The following ARB2A variants were observed in gnomAD, a reference collection of about 807,000 sequenced individuals.
ARB2A encodes cotranscriptional regulator ARB2A.
At chr5:94,055,511 T>C in the ARB2A span, 2 of 441,760 alleles carry the variant, frequency 4.5e-6, no homozygotes, top group Non-Finnish European at 6.0e-6. Context: ...CTCTTCTAAC[T>C]CTTATATCAA....
At chr5:93,986,987 C>G in the ARB2A span, among the ~76,000 whole-genome samples, 1 of 151,194 alleles carries the variant, frequency 6.6e-6, no homozygotes, top group Non-Finnish European at 1.5e-5. Context: ...TCCCCCTCTC[C>G]GAGAAACACC....
chr5:93,864,253 C>CA, the ARB2A span, among the ~76,000 whole-genome samples: 1 of 152,032 alleles, frequency 6.6e-6, no homozygotes, highest in African/African-American at 2.4e-5. Context: ...CATTATTTCT[C>CA]CTAAACAATG....
At chr5:93,733,408 C>A in the ARB2A span, 1 of 152,166 alleles carries the variant, frequency 6.6e-6, no homozygotes, top group Middle Eastern at 3.4e-3. Context: ...ACCATGTAGA[C>A]CAGGATGGTC....
chr5:93,938,592 A>G, the ARB2A span, among the ~76,000 whole-genome samples: 3 of 152,216 alleles, frequency 2.0e-5, no homozygotes, highest in African/African-American at 4.8e-5. Flanking sequence ...TTAATTTTGT[A>G]TAAGTTATCC....
chr5:93,675,719 C>T, the ARB2A span, among the ~76,000 whole-genome samples: 1 of 152,184 alleles, frequency 6.6e-6, no homozygotes, highest in South Asian at 2.1e-4. Flanking sequence ...TGTTCCATAT[C>T]AAGAAGTATT....
At chr5:93,886,081 C>A in the ARB2A span, among the ~76,000 whole-genome samples, 1 of 151,588 alleles carries the variant, frequency 6.6e-6, no homozygotes. Flanking sequence ...AAATGCACGA[C>A]CAAAACCAGA....
the ARB2A span, among the ~76,000 whole-genome samples, chr5:93,646,271 G>A: frequency 6.6e-5 from 10 of 151,796 alleles, no homozygotes; most frequent in East Asian, 1.7e-3. Context: ...AGCCATAGTC[G>A]CTCTTGTATT....
chr5:93,635,459 G>GTTTTTTTTTTTTTTT, the ARB2A span, among the ~76,000 whole-genome samples: 62 of 128,914 alleles, frequency 4.8e-4, 4 homozygotes, highest in African/African-American at 2.0e-3. Context: ...TTATACGAAA[G>GTTTTTTTTTTTTTTT]TTTTTTTTTT....
the ARB2A span, among the ~76,000 whole-genome samples, chr5:93,771,917 A>G: frequency 2.0e-5 from 3 of 152,208 alleles, no homozygotes; most frequent in Non-Finnish European, 2.9e-5. Context: ...AGGGATCTAG[A>G]GCTAGAAATA....
chr5:93,922,520 T>A, the ARB2A span, among the ~76,000 whole-genome samples: 39 of 142,860 alleles, frequency 2.7e-4, no homozygotes, highest in Non-Finnish European at 4.8e-4. Flanking sequence ...AATATTTTTT[T>A]AAAAATTAGC....
At chr5:93,737,180 T>G in the ARB2A span, 10 of 152,118 alleles carry the variant, frequency 6.6e-5, no homozygotes, top group Non-Finnish European at 1.3e-4. Flanking sequence ...TGAAGGAAAC[T>G]ATTCCATTTA....
the ARB2A span, among the ~76,000 whole-genome samples, chr5:94,030,326 G>T: frequency 6.6e-6 from 1 of 152,228 alleles, no homozygotes; most frequent in Non-Finnish European, 1.5e-5. Flanking sequence ...CTCAAATCAG[G>T]AAGTTCTGGG....
the ARB2A span, among the ~76,000 whole-genome samples, chr5:93,714,462 A>C: frequency 0.073 from 11,040 of 152,224 alleles, 536 homozygotes; most frequent in African/African-American, 0.13. Context: ...CTTTACATGC[A>C]ATTTTTAAGC....
chr5:93,823,065 T>C, the ARB2A span, among the ~76,000 whole-genome samples: 1 of 152,166 alleles, frequency 6.6e-6, no homozygotes, highest in African/African-American at 2.4e-5. Context: ...AGGCAATCAA[T>C]ATTGTGTCTC....
chr5:93,904,323 G>A, the ARB2A span, among the ~76,000 whole-genome samples: 36 of 151,924 alleles, frequency 2.4e-4, no homozygotes, highest in Admixed American at 1.9e-3. Context: ...AAGTAGACTA[G>A]ATTAGATTAG....
chr5:94,020,247 G>C, the ARB2A span, among the ~76,000 whole-genome samples: 14 of 151,450 alleles, frequency 9.2e-5, no homozygotes, highest in African/African-American at 1.7e-4. Context: ...CGGGGCGGGG[G>C]GGGTAACATC....
the ARB2A span, among the ~76,000 whole-genome samples, chr5:93,800,409 A>G: frequency 3.3e-5 from 5 of 151,704 alleles, no homozygotes; most frequent in African/African-American, 1.2e-4. Context: ...ACACACACAC[A>G]CACACACACA....
chr5:93,851,010 T>C, the ARB2A span, among the ~76,000 whole-genome samples: 9 of 152,166 alleles, frequency 5.9e-5, no homozygotes, highest in Non-Finnish European at 1.2e-4. Context: ...TTTATTTTTT[T>C]CCCCTCTGAG....
chr5:93,621,253 C>A, the ARB2A span: 2 of 840,932 alleles, frequency 2.4e-6, no homozygotes, highest in Non-Finnish European at 1.6e-6. Flanking sequence ...GCCCCTCCCG[C>A]CTGCGCCCCG....
Sources: gnomAD v4.1 joint callset for allele counts (sites outside exome capture counted in the v4.1 genomes callset) on GRCh38, gnomAD v4.1.1 for gene constraint, MANE v1.5 for transcripts, NCBI Gene and HGNC (gene_info 2026-07-23, HGNC 2026-07-21) for gene names.